Variants in CFAP61 observed in about 807,000 individuals in gnomAD.
The protein encoded by CFAP61 is cilia and flagella associated protein 61, also known as cilia- and flagella-associated protein 61.
In CFAP61, 107 loss-of-function variants were observed where a neutral mutation model predicts 135.6. The ratio of observed to expected loss-of-function variants is 0.79; its 90% CI spans 0.67 to 0.93. The LOEUF (loss-of-function observed/expected upper bound fraction) is 0.93, where lower values mean the gene tolerates loss of function less well. Ranked by LOEUF, CFAP61 falls within the 40% of genes least tolerant of loss-of-function variation. The probability of loss-of-function intolerance (pLI) is 0.00; values close to 1 mark genes in which losing one functional copy is unlikely to be tolerated. For synonymous variants in CFAP61, 575 were observed against 578.5 expected (o/e 0.99, Z 0.09); for missense variants, 1,507 against 1,556.2 (o/e 0.97, Z 0.53).
chr20:20,082,471 C>T (rs892072848), intron 6 of CFAP61, among the ~76,000 whole-genome samples: 1 of 152,210 alleles, frequency 6.6e-6, no homozygotes, highest in South Asian at 2.1e-4. Context: ...TACTTCTGGA[C>T]ACACCTCTAA....
intron 2 of CFAP61, among the ~76,000 whole-genome samples, chr20:20,058,251 A>G (rs752629919): frequency 2.6e-5 from 4 of 152,332 alleles, no homozygotes; most frequent in African/African-American, 7.2e-5. Flanking sequence ...AGATATACCA[A>G]TGAAATGATT....
At chr20:20,113,169 T>C (rs2048914940) in intron 8 of CFAP61, among the ~76,000 whole-genome samples, 2 of 152,210 alleles carry the variant, frequency 1.3e-5, no homozygotes, top group Non-Finnish European at 2.9e-5. Context: ...TATAGTGTGG[T>C]TAAATATAGC....
intron 13 of CFAP61, among the ~76,000 whole-genome samples, chr20:20,175,733 G>A (rs1447582574): frequency 2.0e-5 from 3 of 151,538 alleles, no homozygotes; most frequent in Non-Finnish European, 4.4e-5. Context: ...GGGTTTCACC[G>A]TGTTAGCCAG....
intron 8 of CFAP61, among the ~76,000 whole-genome samples, chr20:20,116,885 G>A (rs1428265803): frequency 6.6e-6 from 1 of 152,068 alleles, no homozygotes; most frequent in African/African-American, 2.4e-5. Flanking sequence ...ATACTCCTGG[G>A]CTGAAGTGAT....
At chr20:20,067,447 T>TC (rs544591698) in intron 2 of CFAP61, among the ~76,000 whole-genome samples, 2 of 151,572 alleles carry the variant, frequency 1.3e-5, no homozygotes, top group South Asian at 4.2e-4. Context: ...ATCGAGACCA[T>TC]CCTGGCCAAC....
chr20:20,132,466 G>A (rs184498797), intron 8 of CFAP61, among the ~76,000 whole-genome samples: 1 of 152,144 alleles, frequency 6.6e-6, no homozygotes, highest in African/African-American at 2.4e-5. Context: ...GATTCCTTGA[G>A]TCCATGGAAA....
intron 24 of CFAP61, among the ~76,000 whole-genome samples, chr20:20,294,745 G>A (rs1307772913): frequency 1.3e-5 from 2 of 151,628 alleles, no homozygotes; most frequent in South Asian, 2.1e-4. Context: ...TGGCTAACAA[G>A]GTGAAACCCC....
chr20:20,355,885 T>G (rs1602172181), intron 26 of CFAP61, among the ~76,000 whole-genome samples: 7 of 124,114 alleles, frequency 5.6e-5, no homozygotes, highest in African/African-American at 1.0e-4. Flanking sequence ...TGAGGGGAGG[T>G]GGTCACACTG....
intron 9 of CFAP61, among the ~76,000 whole-genome samples, chr20:20,158,105 G>C (rs8123010): frequency 6.8e-5 from 10 of 147,174 alleles, no homozygotes; most frequent in Non-Finnish European, 1.0e-4. Context: ...GTGGGGGGAG[G>C]GGGGAGGGAT....
At chr20:20,290,205 T>A (rs555650952) in intron 23 of CFAP61, 95 bp from the exon 24 acceptor site, 1 of 801,296 alleles carries the variant, frequency 1.2e-6, no homozygotes, top group East Asian at 2.4e-5. Context: ...CATACGCCAC[T>A]GCAGGCATCT....
At chr20:20,186,706 A>G (rs992881138) in intron 13 of CFAP61, among the ~76,000 whole-genome samples, 4 of 150,710 alleles carry the variant, frequency 2.7e-5, no homozygotes, top group Non-Finnish European at 5.9e-5. Context: ...ATAGATACAG[A>G]TATTGTTCTT....
intron 23 of CFAP61, 37 bp from the exon 24 acceptor site, chr20:20,290,263 A>G: frequency 7.6e-7 from 1 of 1,312,758 alleles, no homozygotes; most frequent in Non-Finnish European, 1.1e-6. Context: ...CCTCATTAAC[A>G]ATTAATTTTA....
At chr20:20,303,059 C>A (rs2056207450) in intron 25 of CFAP61, among the ~76,000 whole-genome samples, 1 of 152,164 alleles carries the variant, frequency 6.6e-6, no homozygotes, top group Non-Finnish European at 1.5e-5. Flanking sequence ...AAAATGAATT[C>A]ATTTGCTCCT....
At chr20:20,062,051 C>T (rs111797708) in intron 2 of CFAP61, among the ~76,000 whole-genome samples, 2,026 of 152,266 alleles carry the variant, frequency 0.013, 45 homozygotes, top group African/African-American at 0.046. Flanking sequence ...TGTAAAAAGT[C>T]TGGCTACTCT....
At chr20:20,210,819 A>G (rs1303182291) in intron 17 of CFAP61, among the ~76,000 whole-genome samples, 1 of 152,204 alleles carries the variant, frequency 6.6e-6, no homozygotes, top group African/African-American at 2.4e-5. Context: ...CCGTTAATAA[A>G]TTCTAGTTTT....
Position 20,196,601 on chromosome 20 carries a change from T to C in CFAP61, c.1622T>C (p.Ile541Thr), listed in dbSNP as rs777876101. Reference protein sequence around the residue: ...DIEYIRSHYNIEDFIYFSHHQ... With the variant: ...DIEYIRSHYNTEDFIYFSHHQ... ...GAGTACATACGGTCCCATTACAACATTGAAGATTTCATCTACTTCAGTCAC... is the reference window on the plus strand; with the variant it reads ...GAGTACATACGGTCCCATTACAACACTGAAGATTTCATCTACTTCAGTCAC... The change falls in exon 16 of 27, where the codon ATT becomes ACT. Residue 541 changes from isoleucine (I) to threonine (T), a missense_variant. By Grantham distance (89) the Ile-to-Thr change is moderately conservative. Transcript: ENST00000245957. The C allele has an allele frequency of 6.8e-6, 11 of 1,614,102 alleles. No individual in the cohort carries two copies. The highest frequency in any genetic ancestry group is 3.3e-5 in the South Asian group (3 of 91,080).
rs1371070441 is a variant in CFAP61 at position 20,345,606 on chromosome 20, A to G, written c.3513+3685A>G. Among the ~76,000 whole-genome samples the G allele has an allele frequency of 3.3e-5, 5 of 152,178 alleles. No homozygotes were observed. In the East Asian group the frequency reaches 9.7e-4, roughly 29 times the overall value. ...TTATCTATGAATATTGTTAGAAGTC[A>G]TCTGTTATGAAGATTAGAATCATTA... On this transcript the variant is annotated intron_variant, in intron 26 of 26. Transcript: ENST00000245957.
At position 20,320,370 on chromosome 20, in the gene CFAP61, A is replaced by ATTATATATATGTAATATATATAATATATG. The variant is rs2057393070; in HGVS notation, c.3423-21460_3423-21459insTATATATATGTAATATATATAATATATGT. ...GTAATATATATAATATATGTAATATATATTATATATATGTAATATATATAA... is the reference window on the plus strand; with the variant it reads ...GTAATATATATAATATATGTAATATATTATATATATGTAATATATATAATATATGTATTATATATATGTAATATATATAA... On this transcript the variant is annotated intron_variant, in intron 25 of 26. Coordinates refer to ENST00000245957, the MANE Select transcript of CFAP61 (RefSeq NM_015585.4). 1.9e-5 allele frequency among the ~76,000 whole-genome samples: 2 copies of ATTATATATATGTAATATATATAATATATG among 103,252 alleles called. 1 individual carries two copies. The highest frequency in any genetic ancestry group is 3.6e-5 in the Non-Finnish European group (2 of 56,108). The allele number at this position is 103,252 out of a possible 152,430, so 67.7% of individuals were successfully genotyped here.
intron 14 of CFAP61, among the ~76,000 whole-genome samples, chr20:20,189,066 C>A (rs1213545277): frequency 6.6e-6 from 1 of 152,140 alleles, no homozygotes; most frequent in Non-Finnish European, 1.5e-5. Context: ...CCATTTATTT[C>A]TTCATTCTAC....
Sources: allele counts gnomAD v4.1 joint callset (sites outside exome capture counted in the v4.1 genomes callset), GRCh38; gene constraint gnomAD v4.1.1; transcripts MANE v1.5; gene names NCBI Gene and HGNC (gene_info 2026-07-23, HGNC 2026-07-21).